SPATA13: variants seen among roughly 807,000 people sequenced by gnomAD.
SPATA13 encodes the protein spermatogenesis-associated protein 13.
A neutral mutation model predicts 104.0 loss-of-function variants in SPATA13; 50 were observed. The ratio of observed to expected loss-of-function variants is 0.48; its 90% CI spans 0.38 to 0.61. The LOEUF is 0.61. Among genes scored for constraint, SPATA13 ranks in the 20% least tolerant of loss-of-function variants. The pLI, the probability that SPATA13 is intolerant of heterozygous loss-of-function variation, is 0.00. For missense variants in SPATA13, 1,524 were observed against 1,690.6 expected, an observed-to-expected ratio of 0.90 and a Z score of 1.73; for synonymous variants, 606 against 667.5, an observed-to-expected ratio of 0.91 and a Z score of 1.42.
At chr13:24,095,378 T>C (rs1355310684) in intron 3 of SPATA13, among the ~76,000 whole-genome samples, 1 of 151,984 alleles carries the variant, frequency 6.6e-6, no homozygotes, top group Non-Finnish European at 1.5e-5. Context: ...ATCATAGAGA[T>C]AGGAAATAGA....
At chr13:24,301,905 T>C (rs1255658163) in intron 12 of SPATA13, among the ~76,000 whole-genome samples, 2 of 152,252 alleles carry the variant, frequency 1.3e-5, no homozygotes. Context: ...CATTTAATTC[T>C]CATAGCAACC....
chr13:24,019,003 A>G (rs1044792607), intron 3 of SPATA13, among the ~76,000 whole-genome samples: 3 of 152,144 alleles, frequency 2.0e-5, no homozygotes, highest in East Asian at 3.8e-4. Context: ...ATCTCAACAG[A>G]CATATTAGAA....
At chr13:24,090,919 C>T (rs776482318) in intron 3 of SPATA13, among the ~76,000 whole-genome samples, 1 of 152,196 alleles carries the variant, frequency 6.6e-6, no homozygotes, top group Admixed American at 6.5e-5. Context: ...CCTCCTCTCT[C>T]GGATTTTTGT....
At chr13:24,093,428 C>T (rs767357531) in intron 3 of SPATA13, among the ~76,000 whole-genome samples, 3 of 152,100 alleles carry the variant, frequency 2.0e-5, no homozygotes, top group East Asian at 1.9e-4. Flanking sequence ...CTAGGTTTTC[C>T]GAAGGTAAAA....
intron 3 of SPATA13, among the ~76,000 whole-genome samples, chr13:24,150,101 G>A (rs1045487116): frequency 1.3e-5 from 2 of 152,114 alleles, no homozygotes; most frequent in African/African-American, 4.8e-5. Flanking sequence ...GGGCAATGCT[G>A]AGATTCTTAG....
intron 4 of SPATA13, among the ~76,000 whole-genome samples, chr13:24,256,238 G>T (rs1389732021): frequency 6.6e-6 from 1 of 152,140 alleles, no homozygotes; most frequent in Non-Finnish European, 1.5e-5. Context: ...GTTGGTAAAT[G>T]GATATAAAAA....
chr13:24,223,498 A>G lies in SPATA13; in HGVS notation c.569A>G (p.Asp190Gly). 1 of 1,548,604 alleles carries G rather than the reference A, an allele frequency of 6.5e-7. No individual in the cohort carries two copies. Among genetic ancestry groups the G allele is most frequent in the Non-Finnish European group, 8.7e-7 (1 of 1,146,992 alleles). The change falls in exon 2 of 13, where the codon GAC (aspartate) becomes GGC (glycine). Residue 190 changes from aspartate (D) to glycine (G), a missense_variant. This residue lies in a region of SPATA13 where 1,089 missense variants were observed against 1,135.9 expected (regional missense o/e 0.96). Transcript: ENST00000382108. ...GATGGCTCCGACCTCGAGGACACGG[A>G]CGATGCCTTCCAGCGGAGCACACAC... is the stretch of plus-strand genomic sequence containing the variant. ...TLDGSDLEDT[D>G]DAFQRSTHRS...
At chr13:24,226,167 T>A (rs1163448303) in intron 2 of SPATA13, among the ~76,000 whole-genome samples, 1 of 152,182 alleles carries the variant, frequency 6.6e-6, no homozygotes, top group Non-Finnish European at 1.5e-5. Flanking sequence ...TCAAGGAAGT[T>A]CTCACTCCAG....
At chr13:24,300,745 G>A (rs1877125805) in intron 12 of SPATA13, among the ~76,000 whole-genome samples, 1 of 152,172 alleles carries the variant, frequency 6.6e-6, no homozygotes, top group African/African-American at 2.4e-5. Context: ...CCTGCCTGGG[G>A]CCCCTCTGCT....
intron 3 of SPATA13, among the ~76,000 whole-genome samples, chr13:24,081,309 C>A (rs1255641532): frequency 1.3e-5 from 2 of 152,116 alleles, no homozygotes; most frequent in African/African-American, 4.8e-5. Context: ...CTATATGAGG[C>A]CCTTCTCTTA....
chr13:24,012,337 A>G (rs545746659), intron 2 of SPATA13, among the ~76,000 whole-genome samples: 1 of 152,326 alleles, frequency 6.6e-6, no homozygotes, highest in East Asian at 1.9e-4. Flanking sequence ...ACTCTCTTCT[A>G]TCTTGGTCAA....
intron 3 of SPATA13, among the ~76,000 whole-genome samples, chr13:24,049,464 T>A (rs985936065): frequency 1.3e-5 from 2 of 152,212 alleles, no homozygotes; most frequent in Admixed American, 6.5e-5. Context: ...GTACGCTCCG[T>A]GTTGTTCACA....
At chr13:24,278,933 C>A (rs1462378049) in intron 4 of SPATA13, 6 of 541,330 alleles carry the variant, frequency 1.1e-5, no homozygotes, top group Non-Finnish European at 1.6e-5. Flanking sequence ...TCCCTCTTTC[C>A]TTCCTTCCTT....
In SPATA13 at chr13:24,051,116, T is replaced by C. The variant is rs1878323986; in HGVS notation, c.-112+33415T>C. The stretch of plus-strand genomic sequence containing the variant: ...TTCCCCCACCTTTTATGAATGTCAC[T>C]GAGCAAATGAACTCCAAGTGAGCAC... On this transcript the variant is annotated intron_variant, in intron 3 of 14. Transcript: ENST00000424834. The surrounding 1 kb of genome is among the most constrained non-coding windows in gnomAD (Gnocchi z 4.2). Among the ~76,000 whole-genome samples, 1 of 152,176 alleles carries C rather than the reference T, an allele frequency of 6.6e-6. No homozygotes were observed. Among genetic ancestry groups the C allele is most frequent in the Non-Finnish European group, 1.5e-5 (1 of 68,042 alleles).
intron 3 of SPATA13, among the ~76,000 whole-genome samples, chr13:24,063,611 C>T (rs1878850142): frequency 1.3e-5 from 2 of 152,258 alleles, no homozygotes; most frequent in South Asian, 2.1e-4. Context: ...ACCCTGGCTG[C>T]CATCCAATTA....
chr13:24,084,853 C>G (rs1042971207), intron 3 of SPATA13, among the ~76,000 whole-genome samples: 1 of 152,046 alleles, frequency 6.6e-6, no homozygotes, highest in Admixed American at 6.6e-5. Flanking sequence ...AAGACCCGGT[C>G]TCTACAAAAA....
exon 2 of SPATA13, chr13:23,983,755 A>G (rs1430023757): frequency 3.5e-6 from 1 of 286,528 alleles, no homozygotes; most frequent in Non-Finnish European, 5.2e-6. Flanking sequence ...TCAAGCTCTG[A>G]CAAGGGAAGA....
At chr13:24,299,567 T>A (rs757182079) in intron 11 of SPATA13, among the ~76,000 whole-genome samples, 24 of 152,102 alleles carry the variant, frequency 1.6e-4, no homozygotes, top group Admixed American at 9.2e-4. Flanking sequence ...CTGGGACAGA[T>A]GTTGGGCATG....
chr13:24,084,261 G>A (rs765406510), intron 3 of SPATA13, among the ~76,000 whole-genome samples: 3 of 152,202 alleles, frequency 2.0e-5, no homozygotes, highest in Non-Finnish European at 2.9e-5. Context: ...AGGTGCAGTC[G>A]AAGGAGGCAT....
Sources: gnomAD v4.1 joint callset for allele counts (sites outside exome capture counted in the v4.1 genomes callset) on GRCh38, gnomAD v4.1.1 for gene constraint, gnomAD v4.1.1 regional missense constraint, Gnocchi (gnomAD v3.1) non-coding constraint, MANE v1.5 for transcripts, NCBI Gene and HGNC (gene_info 2026-07-23, HGNC 2026-07-21) for gene names.